Variants in MACROD2 observed in about 807,000 individuals in gnomAD.
MACROD2 encodes mono-ADP ribosylhydrolase 2.
MACROD2 carries 36 observed loss-of-function variants against 70.4 expected under a neutral mutation model. The observed-to-expected ratio is 0.51, with a 90% CI of 0.39 to 0.68. MACROD2 has a LOEUF of 0.68. Ranked by LOEUF, MACROD2 falls within the 30% of genes least tolerant of loss-of-function variation. MACROD2 has a pLI of 0.00. For missense variants in MACROD2, 496 were observed against 538.4 expected (o/e 0.92, Z 0.78); for synonymous variants, 172 against 178.8 (o/e 0.96, Z 0.30).
At chr20:14,571,947 A>T (rs551024261) in intron 4 of MACROD2, among the ~76,000 whole-genome samples, 1 of 152,180 alleles carries the variant, frequency 6.6e-6, no homozygotes, top group East Asian at 1.9e-4. Context: ...ATATACAGTA[A>T]TGAAAAAGAA....
At chr20:14,788,508 C>T (rs1484557108) in intron 5 of MACROD2, among the ~76,000 whole-genome samples, 1 of 143,360 alleles carries the variant, frequency 7.0e-6, no homozygotes, top group East Asian at 2.1e-4. Flanking sequence ...ATCATCAGAG[C>T]TTAGGAGGTT....
intron 5 of MACROD2, among the ~76,000 whole-genome samples, chr20:15,024,131 C>T (rs940611732): frequency 2.6e-5 from 4 of 152,134 alleles, no homozygotes; most frequent in African/African-American, 9.7e-5. Flanking sequence ...ATTTATCTCT[C>T]CCACCCTACA....
At chr20:15,972,602 G>T (rs1164715131) in intron 13 of MACROD2, among the ~76,000 whole-genome samples, 1 of 152,174 alleles carries the variant, frequency 6.6e-6, no homozygotes, top group Non-Finnish European at 1.5e-5. Flanking sequence ...TTGAGGTCAG[G>T]AGTTCGAGAC....
intron 5 of MACROD2, among the ~76,000 whole-genome samples, chr20:14,862,054 T>TATATATAAATATATAAAA (rs1568838870): frequency 0.01 from 32 of 3,052 alleles, 2 homozygotes; most frequent in South Asian, 0.026. Flanking sequence ...TATATATTTA[T>TATATATAAATATATAAAA]ATATATATAA....
At chr20:14,002,625 T>C (rs1341236539) in intron 2 of MACROD2, among the ~76,000 whole-genome samples, 2 of 152,232 alleles carry the variant, frequency 1.3e-5, no homozygotes, top group Admixed American at 6.5e-5. Context: ...ATTTATAATA[T>C]GGTACTTTTT....
intron 6 of MACROD2, among the ~76,000 whole-genome samples, chr20:15,270,424 G>A (rs1419204713): frequency 1.3e-5 from 2 of 152,100 alleles, no homozygotes; most frequent in Admixed American, 6.6e-5. Flanking sequence ...ATATAATAAT[G>A]GAGAACAGAT....
chr20:14,419,263 A>G (rs890861596), intron 3 of MACROD2, among the ~76,000 whole-genome samples: 1 of 152,138 alleles, frequency 6.6e-6, no homozygotes, highest in Non-Finnish European at 1.5e-5. Context: ...CGTGTTGGTT[A>G]GGCTGGTCTT....
chr20:14,456,959 C>T (rs184793695), intron 3 of MACROD2, among the ~76,000 whole-genome samples: 12 of 152,006 alleles, frequency 7.9e-5, no homozygotes, highest in Middle Eastern at 3.4e-3. Flanking sequence ...CCTCGTGATC[C>T]GCCCGCCTCG....
intron 5 of MACROD2, among the ~76,000 whole-genome samples, chr20:14,943,523 C>T (rs1184470882): frequency 6.6e-6 from 1 of 151,974 alleles, no homozygotes; most frequent in East Asian, 1.9e-4. Context: ...TATTGCTTCC[C>T]AACCAGAGCT....
In MACROD2 at chr20:14,811,824, A is replaced by G. The variant is rs554319923; in HGVS notation, c.418+126865A>G. ...TTTGTGTGGCCAACGAGCATATGAA[A>G]AAAAGCTCATCATCACTGGTCATTA... On this transcript the variant is annotated intron_variant, in intron 5 of 17. Coordinates refer to ENST00000684519, the MANE Select transcript of MACROD2 (RefSeq NM_001351661.2). Among the ~76,000 whole-genome samples the G allele has an allele frequency of 2.4e-4, 37 of 152,302 alleles. No homozygotes were observed. The South Asian group carries it at 7.5e-3, about 31-fold the overall frequency.
At chr20:15,391,211 A>T (rs1225031953) in intron 6 of MACROD2, among the ~76,000 whole-genome samples, 1 of 152,200 alleles carries the variant, frequency 6.6e-6, no homozygotes, top group Non-Finnish European at 1.5e-5. Flanking sequence ...TAACCTTTAA[A>T]AGTGGGACTG....
At chr20:15,099,771 G>T (rs185415731) in intron 5 of MACROD2, among the ~76,000 whole-genome samples, 4 of 151,682 alleles carry the variant, frequency 2.6e-5, no homozygotes, top group Admixed American at 1.3e-4. Flanking sequence ...TGAGAAATTA[G>T]AAAGAAGATA....
chr20:15,593,197 G>A (rs557945026), intron 8 of MACROD2, among the ~76,000 whole-genome samples: 21 of 152,238 alleles, frequency 1.4e-4, no homozygotes, highest in East Asian at 5.8e-4. Context: ...ATGCCTGGCC[G>A]TCTTTGCACA....
intron 15 of MACROD2, among the ~76,000 whole-genome samples, chr20:15,994,421 A>C (rs573938922): frequency 2.0e-5 from 3 of 152,326 alleles, no homozygotes; most frequent in Non-Finnish European, 2.9e-5. Flanking sequence ...TCTTCGAACA[A>C]GATGTAGAAC....
intron 2 of MACROD2, among the ~76,000 whole-genome samples, chr20:14,045,417 C>G (rs1050824523): frequency 6.6e-6 from 1 of 152,214 alleles, no homozygotes; most frequent in African/African-American, 2.4e-5. Flanking sequence ...AAACTTGTGA[C>G]CATTAGCCTG....
chr20:14,521,376 G>C (rs1296262071), intron 4 of MACROD2, among the ~76,000 whole-genome samples: 1 of 152,176 alleles, frequency 6.6e-6, no homozygotes, highest in Non-Finnish European at 1.5e-5. Flanking sequence ...AGATTAAGCT[G>C]CTAATAATAA....
chr20:14,145,170 A>G (rs1042448081), intron 3 of MACROD2, among the ~76,000 whole-genome samples: 1 of 152,204 alleles, frequency 6.6e-6, no homozygotes, highest in Admixed American at 6.5e-5. Flanking sequence ...CCTCTGCGCT[A>G]GGCTTAAAGG....
intron 2 of MACROD2, among the ~76,000 whole-genome samples, chr20:14,074,198 A>G (rs931317940): frequency 1.2e-4 from 19 of 152,092 alleles, no homozygotes; most frequent in African/African-American, 4.6e-4. Flanking sequence ...TTCCTGCTGT[A>G]TTTGAAACTG....
chr20:16,032,649 G>T (rs1215774249), intron 15 of MACROD2, among the ~76,000 whole-genome samples: 1 of 148,624 alleles, frequency 6.7e-6, no homozygotes, highest in Non-Finnish European at 1.5e-5. Context: ...AGGGAGGGAA[G>T]AAAGAAAAGG....
Sources: allele counts gnomAD v4.1 joint callset (sites outside exome capture counted in the v4.1 genomes callset), GRCh38; gene constraint gnomAD v4.1.1; transcripts MANE v1.5; gene names NCBI Gene and HGNC (gene_info 2026-07-23, HGNC 2026-07-21).